The following DPP10 variants were observed in gnomAD, a reference collection of about 807,000 sequenced individuals.
DPP10 encodes inactive dipeptidyl peptidase 10.
A neutral mutation model predicts 120.9 loss-of-function variants in DPP10; 33 were observed. That is an observed-to-expected ratio of 0.27 (90% confidence interval 0.21 to 0.37). The LOEUF is 0.37. DPP10 is among the 10% of genes least tolerant of loss of function. The pLI, the probability that DPP10 is intolerant of heterozygous loss-of-function variation, is 1.00. For synonymous variants in DPP10, 337 were observed against 326.1 expected, an observed-to-expected ratio of 1.03 and a Z score of -0.36; for missense variants, 816 against 942.8, an observed-to-expected ratio of 0.87 and a Z score of 1.76.
chr2:115,408,745 A>T (rs1186782025), intron 3 of DPP10, among the ~76,000 whole-genome samples: 2 of 152,234 alleles, frequency 1.3e-5, no homozygotes, highest in African/African-American at 2.4e-5. Flanking sequence ...CTTTTGAGAG[A>T]TATTAAAAAA....
At chr2:114,686,297 A>G (rs1699361799) in intron 1 of DPP10, among the ~76,000 whole-genome samples, 1 of 151,912 alleles carries the variant, frequency 6.6e-6, no homozygotes, top group South Asian at 2.1e-4. Context: ...AGCTACTTTA[A>G]AAGGTTAGTG....
At position 114,939,069 on chromosome 2, in the gene DPP10, A is replaced by C. The variant is rs548031855; in HGVS notation, c.61-370170A>C. 2.6e-5 allele frequency among the ~76,000 whole-genome samples: 4 copies of C among 152,226 alleles called. No individual in the cohort carries two copies. In the South Asian group the frequency reaches 8.3e-4, roughly 32 times the overall value. The stretch of plus-strand genomic sequence containing the variant: ...TGTGTGTGCTTTTAATTATTCTAGA[A>C]TGTATTGCAATAGATAAATGTCTAC... On this transcript the variant is annotated intron_variant, in intron 1 of 25. Transcript: ENST00000410059.
intron 5 of DPP10, among the ~76,000 whole-genome samples, chr2:115,613,985 C>T (rs1461625644): frequency 1.3e-5 from 2 of 152,100 alleles, no homozygotes; most frequent in Non-Finnish European, 2.9e-5. Context: ...TGATTTAAAG[C>T]TGATCCCAAA....
At chr2:115,161,563 A>C in intron 1 of DPP10, 1 of 154,442 alleles carries the variant, frequency 6.5e-6, no homozygotes, top group Non-Finnish European at 1.4e-5. Context: ...CCGCGCGGGG[A>C]GCCCCCGGGG....
At chr2:114,662,951 T>TGTCAGTTTAGCTACTGTTC (rs1422781084) in intron 1 of DPP10, among the ~76,000 whole-genome samples, 1 of 152,210 alleles carries the variant, frequency 6.6e-6, no homozygotes, top group Non-Finnish European at 1.5e-5. Context: ...ATTGAGTTCT[T>TGTCAGTTTAGCTACTGTTC]GTCAGTTTAG....
intron 1 of DPP10, among the ~76,000 whole-genome samples, chr2:114,514,267 G>C (rs1032978057): frequency 1.3e-5 from 2 of 152,264 alleles, no homozygotes; most frequent in South Asian, 4.2e-4. Context: ...CACCAACCCT[G>C]TGATGTACAC....
At chr2:115,040,253 C>CA (rs1704535570) in intron 1 of DPP10, among the ~76,000 whole-genome samples, 1 of 151,068 alleles carries the variant, frequency 6.6e-6, no homozygotes, top group African/African-American at 2.4e-5. Flanking sequence ...CACAGAAAAC[C>CA]AAAAAAGAGT....
At chr2:114,820,928 C>T (rs1686035743) in intron 1 of DPP10, among the ~76,000 whole-genome samples, 2 of 152,150 alleles carry the variant, frequency 1.3e-5, no homozygotes, top group Non-Finnish European at 2.9e-5. Flanking sequence ...CCCGGTTCTT[C>T]ATCTTCAGTC....
chr2:115,523,941 G>A (rs1308068089), intron 4 of DPP10, among the ~76,000 whole-genome samples: 5 of 152,118 alleles, frequency 3.3e-5, no homozygotes, highest in Non-Finnish European at 7.4e-5. Flanking sequence ...ATTGTTGCCA[G>A]TGAATGTTGT....
intron 3 of DPP10, among the ~76,000 whole-genome samples, chr2:115,394,464 C>T (rs2067532038): frequency 7.1e-6 from 1 of 141,516 alleles, no homozygotes; most frequent in African/African-American, 2.6e-5. Flanking sequence ...TGTAATCAAC[C>T]TCACCAAAAA....
chr2:114,945,859 T>C (rs1372985313), intron 1 of DPP10, among the ~76,000 whole-genome samples: 1 of 152,092 alleles, frequency 6.6e-6, no homozygotes, highest in African/African-American at 2.4e-5. Flanking sequence ...AGCCTCACAG[T>C]GGAGAAACCT....
chr2:115,388,575 A>G (rs1189638929), intron 3 of DPP10, among the ~76,000 whole-genome samples: 3 of 152,222 alleles, frequency 2.0e-5, no homozygotes, highest in East Asian at 3.9e-4. Context: ...GGGTGATTCA[A>G]CTAGCTCTGC....
intron 1 of DPP10, among the ~76,000 whole-genome samples, chr2:115,133,143 G>A (rs201062063): frequency 0.021 from 675 of 31,860 alleles, 10 homozygotes; most frequent in African/African-American, 0.061. Flanking sequence ...GTGTGTGTGT[G>A]TGTATATATA....
intron 1 of DPP10, among the ~76,000 whole-genome samples, chr2:114,483,154 C>T: frequency 6.6e-6 from 1 of 151,978 alleles, no homozygotes; most frequent in East Asian, 1.9e-4. Context: ...TCACCAGAGC[C>T]AGTCAAAACC....
intron 5 of DPP10, among the ~76,000 whole-genome samples, chr2:115,556,474 A>G (rs2080223657): frequency 1.3e-5 from 2 of 151,156 alleles, no homozygotes; most frequent in Non-Finnish European, 2.9e-5. Context: ...AATATTGGAC[A>G]TCCCTGGCCT....
At chr2:115,404,176 T>C (rs1012358355) in intron 3 of DPP10, among the ~76,000 whole-genome samples, 6 of 152,112 alleles carry the variant, frequency 3.9e-5, no homozygotes, top group Non-Finnish European at 5.9e-5. Flanking sequence ...TGCTTGCTTT[T>C]GGGGAGGCCT....
At chr2:115,197,093 GA>G (rs1270208479) in intron 1 of DPP10, among the ~76,000 whole-genome samples, 1 of 152,076 alleles carries the variant, frequency 6.6e-6, no homozygotes, top group Non-Finnish European at 1.5e-5. Context: ...CTGGGCTGAG[GA>G]AACGAAGGAG....
chr2:114,892,792 C>T (rs1387745396), intron 1 of DPP10, among the ~76,000 whole-genome samples: 1 of 152,096 alleles, frequency 6.6e-6, no homozygotes, highest in Non-Finnish European at 1.5e-5. Context: ...CTCCCATCAC[C>T]GTATCTTTTT....
intron 1 of DPP10, among the ~76,000 whole-genome samples, chr2:114,726,701 G>A (rs1257378084): frequency 1.3e-5 from 2 of 152,080 alleles, no homozygotes; most frequent in Non-Finnish European, 2.9e-5. Context: ...GGAAATCATT[G>A]GGCATGTCAA....
Sources: gnomAD v4.1 joint callset for allele counts (sites outside exome capture counted in the v4.1 genomes callset) on GRCh38, gnomAD v4.1.1 for gene constraint, MANE v1.5 for transcripts, NCBI Gene and HGNC (gene_info 2026-07-23, HGNC 2026-07-21) for gene names.